The following CRYL1 variants were observed in gnomAD, a reference collection of about 807,000 sequenced individuals.
The protein encoded by CRYL1 is crystallin lambda 1.
CRYL1 carries 29 observed loss-of-function variants against 36.6 expected under a neutral mutation model. That is an observed-to-expected ratio of 0.79 (90% CI 0.59 to 1.08). CRYL1 has a LOEUF of 1.08. Among genes scored for constraint, CRYL1 ranks in the 50% least tolerant of loss-of-function variants. The pLI, the probability that CRYL1 is intolerant of heterozygous loss-of-function variation, is 0.00. For missense variants in CRYL1, 411 were observed against 407.9 expected (o/e 1.01, Z -0.06); for synonymous variants, 152 against 151.5 (o/e 1.00, Z -0.02).
At chr13:20,453,354 T>G (rs1290379398) in intron 3 of CRYL1, among the ~76,000 whole-genome samples, 1 of 150,888 alleles carries the variant, frequency 6.6e-6, no homozygotes, top group Non-Finnish European at 1.5e-5. Flanking sequence ...TAATCTACAG[T>G]CAAGGTGAAA....
chr13:20,413,354 C>A lies in CRYL1; in HGVS notation c.667G>T (p.Val223Phe). 3.1e-6 allele frequency: 5 copies of A among 1,613,776 alleles called. No homozygotes were observed. Among genetic ancestry groups the A allele is most frequent in the Non-Finnish European group, 4.2e-6 (5 of 1,179,768 alleles). ...CGCATGCCCAACCCTTCTGACATGA[C>A]AAGGTCCAGGTCACTAGGAGACACG... is the stretch of plus-strand genomic sequence containing the variant. ...GIVSPSDLDLVMSEGLGMRYA... is the reference protein window; with the variant it reads ...GIVSPSDLDLFMSEGLGMRYA... The change falls in exon 6 of 8, where the codon GTC becomes TTC. Residue 223 changes from valine to phenylalanine, a missense_variant. Coordinates refer to ENST00000298248, the MANE Select transcript of CRYL1 (RefSeq NM_015974.3).
intron 1 of CRYL1, among the ~76,000 whole-genome samples, chr13:20,521,102 C>CCAAAA: frequency 1.3e-5 from 1 of 75,594 alleles, no homozygotes; most frequent in Non-Finnish European, 2.3e-5. Flanking sequence ...GACTCCGTCT[C>CCAAAA]AAAAAAAAAA....
At chr13:20,429,672 CCA>C (rs1265039763) in intron 5 of CRYL1, among the ~76,000 whole-genome samples, 1 of 152,084 alleles carries the variant, frequency 6.6e-6, no homozygotes, top group Non-Finnish European at 1.5e-5. Flanking sequence ...CCGCGCAGCC[CCA>C]GAGTCTTATG....
intron 1 of CRYL1, among the ~76,000 whole-genome samples, chr13:20,524,305 A>G (rs2034149960): frequency 6.6e-6 from 1 of 152,210 alleles, no homozygotes; most frequent in African/African-American, 2.4e-5. Context: ...GTGTATATAT[A>G]TACACACACA....
chr13:20,478,848 G>A (rs2033217159), intron 3 of CRYL1, among the ~76,000 whole-genome samples: 1 of 152,094 alleles, frequency 6.6e-6, no homozygotes, highest in African/African-American at 2.4e-5. Context: ...CGCCTCCCAG[G>A]TTCAAGTGAT....
chr13:20,428,809 A>G (rs888809452), intron 5 of CRYL1, among the ~76,000 whole-genome samples: 6 of 152,120 alleles, frequency 3.9e-5, no homozygotes, highest in African/African-American at 1.4e-4. Context: ...TGACCTGCTG[A>G]CCCAGTACCC....
chr13:20,448,675 G>GA (rs568498100), intron 3 of CRYL1, among the ~76,000 whole-genome samples: 5 of 151,866 alleles, frequency 3.3e-5, no homozygotes, highest in Admixed American at 6.6e-5. Context: ...AGTGCTGAAA[G>GA]AAAAAAAACT....
At chr13:20,521,968 G>T in intron 1 of CRYL1, among the ~76,000 whole-genome samples, 1 of 152,096 alleles carries the variant, frequency 6.6e-6, no homozygotes, top group East Asian at 1.9e-4. Context: ...GGGCATCCTA[G>T]GGTTTGCTGT....
chr13:20,484,215 A>G (rs1325957871), intron 3 of CRYL1, among the ~76,000 whole-genome samples: 1 of 152,154 alleles, frequency 6.6e-6, no homozygotes, highest in Non-Finnish European at 1.5e-5. Flanking sequence ...TAAATCAGAA[A>G]AAGGAGCTGT....
chr13:20,420,310 C>T (rs144836641), intron 5 of CRYL1, among the ~76,000 whole-genome samples: 6 of 152,286 alleles, frequency 3.9e-5, no homozygotes, highest in African/African-American at 9.6e-5. Context: ...AACAAGCCTA[C>T]GTGCACAGCT....
chr13:20,482,721 A>G (rs1269446855), intron 3 of CRYL1, among the ~76,000 whole-genome samples: 4 of 151,334 alleles, frequency 2.6e-5, no homozygotes, highest in Admixed American at 2.6e-4. Flanking sequence ...TTTTAGTTGA[A>G]GCATTGTGGC....
chr13:20,446,367 C>T (rs2032456124), intron 3 of CRYL1, among the ~76,000 whole-genome samples: 1 of 152,348 alleles, frequency 6.6e-6, no homozygotes, highest in South Asian at 2.1e-4. Context: ...CTGCCTTGGT[C>T]TCCCAAAGTG....
At chr13:20,460,677 C>T (rs1037991655) in intron 3 of CRYL1, among the ~76,000 whole-genome samples, 12 of 151,996 alleles carry the variant, frequency 7.9e-5, no homozygotes, top group South Asian at 2.1e-4. Context: ...AGGCGCCCGC[C>T]ACTACGCCCG....
chr13:20,520,349 G>C (rs2034071310), intron 1 of CRYL1, among the ~76,000 whole-genome samples: 1 of 147,654 alleles, frequency 6.8e-6, no homozygotes, highest in Non-Finnish European at 1.5e-5. Context: ...CTGAACCCTG[G>C]AGAGGGGAAG....
intron 3 of CRYL1, among the ~76,000 whole-genome samples, chr13:20,464,903 G>A (rs1210430114): frequency 6.6e-6 from 1 of 152,110 alleles, no homozygotes; most frequent in Non-Finnish European, 1.5e-5. Flanking sequence ...ACACACAGCC[G>A]CCTTCGCCAT....
chr13:20,487,966 GT>G (rs1377512797), intron 3 of CRYL1, among the ~76,000 whole-genome samples: 3 of 152,036 alleles, frequency 2.0e-5, no homozygotes, highest in Admixed American at 2.0e-4. Context: ...GCTGGGTGTG[GT>G]GGTGCACACT....
chr13:20,420,157 T>A (rs1364719112), intron 5 of CRYL1, among the ~76,000 whole-genome samples: 6 of 152,178 alleles, frequency 3.9e-5, no homozygotes, highest in Non-Finnish European at 8.8e-5. Flanking sequence ...CACCACCACA[T>A]TGAACTGATG....
chr13:20,499,205 G>A (rs144052522), intron 2 of CRYL1, among the ~76,000 whole-genome samples: 3 of 152,064 alleles, frequency 2.0e-5, no homozygotes, highest in African/African-American at 7.2e-5. Context: ...AATTAGCTGG[G>A]TGTGATGGCG....
rs115501759 is a variant in CRYL1, at chr13:20,482,597, G to C, written c.276+6773C>G. Among the ~76,000 whole-genome samples, 651 of 152,330 alleles carry C rather than the reference G, an allele frequency of 4.3e-3. 7 individuals carry two copies. Among genetic ancestry groups the C allele is most frequent in the African/African-American group, 0.015 (627 of 41,580 alleles). On this transcript the variant is annotated intron_variant, in intron 3 of 7. Transcript: ENST00000298248. ...TCAGCAGAGTATTAGGAAACGTCCTGACCCAGGCTCCCCGCCCTCTAGGGT... is the reference window on the plus strand; with the variant it reads ...TCAGCAGAGTATTAGGAAACGTCCTCACCCAGGCTCCCCGCCCTCTAGGGT...
Sources: allele counts gnomAD v4.1 joint callset (sites outside exome capture counted in the v4.1 genomes callset), GRCh38; gene constraint gnomAD v4.1.1; transcripts MANE v1.5; gene names NCBI Gene and HGNC (gene_info 2026-07-23, HGNC 2026-07-21).